MPP7: variants seen among roughly 807,000 people sequenced by gnomAD.
MPP7 encodes the protein MAGUK p55 subfamily member 7.
In MPP7, 60 loss-of-function variants were observed where a neutral mutation model predicts 76.5. The observed-to-expected ratio is 0.78, with a 90% CI of 0.64 to 0.97. MPP7 has a LOEUF of 0.97. MPP7 is among the 50% of genes least tolerant of loss of function. The pLI is 0.00. For synonymous variants in MPP7, 237 were observed against 244.5 expected (o/e 0.97, Z 0.29); for missense variants, 641 against 694.0 (o/e 0.92, Z 0.86).
intron 1 of MPP7, among the ~76,000 whole-genome samples, chr10:28,283,785 G>C (rs1054751951): frequency 1.3e-5 from 2 of 152,158 alleles, no homozygotes; most frequent in Admixed American, 1.3e-4. Context: ...AAAATGCTGG[G>C]ATTACAGGGG....
At chr10:28,237,188 A>C (rs1839105322) in intron 2 of MPP7, among the ~76,000 whole-genome samples, 1 of 152,226 alleles carries the variant, frequency 6.6e-6, no homozygotes, top group Non-Finnish European at 1.5e-5. Context: ...ATTTTGGGTG[A>C]ACAGCAAGGT....
At chr10:28,083,951 A>G (rs1477157748) in intron 12 of MPP7, among the ~76,000 whole-genome samples, 2 of 152,216 alleles carry the variant, frequency 1.3e-5, no homozygotes, top group East Asian at 3.8e-4. Context: ...CTGTTCTGTT[A>G]TAATCCAATT....
chr10:28,280,220 T>C (rs527382854), intron 1 of MPP7: 1 of 152,204 alleles, frequency 6.6e-6, no homozygotes, highest in East Asian at 1.9e-4. Context: ...ATAAAGAAGT[T>C]ATACAGTCGT....
chr10:28,085,653 C>A (rs1852972555), intron 12 of MPP7, among the ~76,000 whole-genome samples: 1 of 152,140 alleles, frequency 6.6e-6, no homozygotes, highest in African/African-American at 2.4e-5. Context: ...ACTGACTGTG[C>A]CACTTGGGAG....
chr10:28,171,078 C>T (rs1281578871), intron 3 of MPP7, among the ~76,000 whole-genome samples: 1 of 152,090 alleles, frequency 6.6e-6, no homozygotes, highest in Non-Finnish European at 1.5e-5. Context: ...ACACTACATC[C>T]AAAAACACAA....
At chr10:28,268,768 G>A (rs1209463947) in intron 1 of MPP7, among the ~76,000 whole-genome samples, 2 of 151,458 alleles carry the variant, frequency 1.3e-5, no homozygotes, top group African/African-American at 4.8e-5. Context: ...TAGAAAATGG[G>A]GCTAATCAGG....
intron 2 of MPP7, among the ~76,000 whole-genome samples, chr10:28,329,165 T>G (rs948835388): frequency 2.0e-5 from 3 of 152,264 alleles, no homozygotes; most frequent in Non-Finnish European, 2.9e-5. Flanking sequence ...TATCAATATT[T>G]CAAAACATTG....
intron 3 of MPP7, among the ~76,000 whole-genome samples, chr10:28,189,650 G>A (rs1223532636): frequency 1.4e-5 from 2 of 139,988 alleles, no homozygotes; most frequent in Non-Finnish European, 3.0e-5. Context: ...AGCACACATA[G>A]AAAAAAAAAA....
At chr10:28,271,569 G>C (rs1840326376) in intron 1 of MPP7, among the ~76,000 whole-genome samples, 1 of 152,144 alleles carries the variant, frequency 6.6e-6, no homozygotes, top group African/African-American at 2.4e-5. Flanking sequence ...AATTTTGAAA[G>C]GTAGGGAGCC....
chr10:28,268,876 G>A (rs1014876453), intron 1 of MPP7, among the ~76,000 whole-genome samples: 3 of 151,328 alleles, frequency 2.0e-5, no homozygotes, highest in South Asian at 4.2e-4. Context: ...CCAAGATTGC[G>A]CCACTGCACT....
intron 2 of MPP7, among the ~76,000 whole-genome samples, chr10:28,318,678 T>G (rs1300612018): frequency 6.6e-6 from 1 of 152,102 alleles, no homozygotes; most frequent in African/African-American, 2.4e-5. Flanking sequence ...AGAGTGACAC[T>G]CCATATCAAA....
intron 5 of MPP7, among the ~76,000 whole-genome samples, chr10:28,138,463 A>T (rs1463274573): frequency 2.0e-5 from 3 of 152,124 alleles, no homozygotes; most frequent in Non-Finnish European, 2.9e-5. Context: ...TCAGACATCT[A>T]TTGTTTCTTT....
chr10:28,187,588 T>C (rs912763524), intron 3 of MPP7, among the ~76,000 whole-genome samples: 10 of 152,174 alleles, frequency 6.6e-5, no homozygotes, highest in Non-Finnish European at 1.5e-4. Context: ...ACCTCCCCAA[T>C]GGGTTTACTC....
At chr10:28,265,753 C>T (rs1380466819) in intron 1 of MPP7, among the ~76,000 whole-genome samples, 2 of 152,094 alleles carry the variant, frequency 1.3e-5, no homozygotes, top group African/African-American at 2.4e-5. Flanking sequence ...AATGTTGGCA[C>T]AAACTGTGCT....
intron 11 of MPP7, among the ~76,000 whole-genome samples, chr10:28,103,486 G>A (rs998277311): frequency 2.6e-5 from 4 of 152,134 alleles, no homozygotes; most frequent in Admixed American, 1.3e-4. Flanking sequence ...TTGCTCAAAC[G>A]TGGCCTTCTC....
intron 1 of MPP7, among the ~76,000 whole-genome samples, chr10:28,277,803 G>A (rs1840549331): frequency 6.6e-6 from 1 of 152,056 alleles, no homozygotes; most frequent in Non-Finnish European, 1.5e-5. Context: ...AATGTCAAAG[G>A]GGAAAAGAGC....
chr10:28,098,939 C>T (rs1203733488), intron 11 of MPP7, among the ~76,000 whole-genome samples: 1 of 151,998 alleles, frequency 6.6e-6, no homozygotes, highest in African/African-American at 2.4e-5. Flanking sequence ...CTTACAGTTT[C>T]GAAACTTACA....
At chr10:28,329,739 T>C (rs1322571707) in intron 2 of MPP7, among the ~76,000 whole-genome samples, 1 of 152,116 alleles carries the variant, frequency 6.6e-6, no homozygotes, top group Non-Finnish European at 1.5e-5. Context: ...GCATTTGTAG[T>C]TTAAATTAAA....
chr10:28,120,047 A>T, intron 10 of MPP7, 147 bp downstream of exon 10: 2 of 825,760 alleles, frequency 2.4e-6, no homozygotes, highest in Non-Finnish European at 3.7e-6. Flanking sequence ...ATACTTAGTT[A>T]GACAAAACAG....
Sources: gnomAD v4.1 joint callset for allele counts (sites outside exome capture counted in the v4.1 genomes callset) on GRCh38, gnomAD v4.1.1 for gene constraint, MANE v1.5 for transcripts, NCBI Gene and HGNC (gene_info 2026-07-23, HGNC 2026-07-21) for gene names.